The following SLC13A1 variants were observed in gnomAD, a reference collection of about 807,000 sequenced individuals.
SLC13A1 encodes solute carrier family 13 member 1, also known as Na(+)/sulfate cotransporter.
SLC13A1 carries 65 observed loss-of-function variants against 70.0 expected under a neutral mutation model. The observed-to-expected ratio is 0.93, with a 90% confidence interval of 0.76 to 1.14. The LOEUF (loss-of-function observed/expected upper bound fraction) is 1.14. Among genes scored for constraint, SLC13A1 ranks in the 50% most tolerant of loss-of-function variants. SLC13A1 has a pLI of 0.00. For missense variants in SLC13A1, 726 were observed against 717.8 expected (o/e 1.01, Z -0.13); for synonymous variants, 275 against 250.5 (o/e 1.10, Z -0.92).
At chr7:123,135,900 T>C (rs922156839) in intron 7 of SLC13A1, among the ~76,000 whole-genome samples, 4 of 152,204 alleles carry the variant, frequency 2.6e-5, no homozygotes, top group East Asian at 1.9e-4. Context: ...TGTTAGAAAA[T>C]GTGCAGTGTG....
intron 8 of SLC13A1, 21 bp from the exon 9 acceptor site, chr7:123,129,502 T>C (rs376381466): frequency 5.0e-6 from 8 of 1,591,008 alleles, no homozygotes; most frequent in Non-Finnish European, 6.9e-6. Flanking sequence ...TAATTAAGCC[T>C]GTAAGCAAGA....
At chr7:123,137,400 T>C (rs539466797) in intron 7 of SLC13A1, among the ~76,000 whole-genome samples, 53 of 152,290 alleles carry the variant, frequency 3.5e-4, no homozygotes, top group African/African-American at 1.2e-3. Flanking sequence ...CAATTGAAAC[T>C]GAGTTAATCA....
Position 123,169,288 on chromosome 7 carries a change from A to G in SLC13A1, c.413T>C (p.Leu138Pro). The G allele has an allele frequency of 6.2e-7, 1 of 1,613,808 alleles. No homozygotes were observed. Among genetic ancestry groups the G allele is most frequent in the South Asian group, 1.1e-5 (1 of 91,072 alleles). Residue 138 changes from leucine (L) to proline (P), a missense_variant, in exon 4 of 15, where the codon CTC becomes CCC. Physicochemically the swap from Leu to Pro is moderately conservative, Grantham distance 98. Coordinates refer to ENST00000194130, the MANE Select transcript of SLC13A1 (RefSeq NM_022444.4). ...CATGGCAGCCGTCGAGGTGTTGCTG[A>G]GCCACATAGACAAAAAGGCAGTGCT... ...MSSTAFLSMW[L>P]SNTSTAAMVM...
intron 6 of SLC13A1, among the ~76,000 whole-genome samples, chr7:123,149,056 T>C (rs1794463409): frequency 6.6e-6 from 1 of 152,154 alleles, no homozygotes; most frequent in African/African-American, 2.4e-5. Context: ...CATCAGATTG[T>C]TGTTCTTTCT....
At chr7:123,193,637 A>G (rs1796073090) in intron 1 of SLC13A1, among the ~76,000 whole-genome samples, 1 of 152,154 alleles carries the variant, frequency 6.6e-6, no homozygotes, top group Admixed American at 6.5e-5. Flanking sequence ...TGAGCTTGGA[A>G]GTCAGACAGA....
At chr7:123,171,968 A>T in intron 2 of SLC13A1, 64 bp from the exon 3 acceptor site, 1 of 1,476,138 alleles carries the variant, frequency 6.8e-7, no homozygotes, top group Non-Finnish European at 9.4e-7. Flanking sequence ...TGCACAAGAA[A>T]GACATTATTA....
At chr7:123,147,537 CCTCTCT>C (rs112153839) in intron 6 of SLC13A1, among the ~76,000 whole-genome samples, 79 of 147,850 alleles carry the variant, frequency 5.3e-4, no homozygotes, top group Non-Finnish European at 2.6e-4. Context: ...GAGCTTGATT[CCTCTCT>C]CTCTCTCTCT....
At chr7:123,154,572 T>C (rs929377049) in intron 6 of SLC13A1, among the ~76,000 whole-genome samples, 5 of 152,160 alleles carry the variant, frequency 3.3e-5, no homozygotes, top group Non-Finnish European at 7.4e-5. Flanking sequence ...ATTTTCAATA[T>C]GTTGCCTAGA....
At chr7:123,120,276 G>A (rs1793332473) in intron 12 of SLC13A1, among the ~76,000 whole-genome samples, 1 of 151,950 alleles carries the variant, frequency 6.6e-6, no homozygotes, top group Non-Finnish European at 1.5e-5. Flanking sequence ...CTGAGAATTG[G>A]TATAAGAGTC....
chr7:123,170,622 T>TTTTTTTG (rs143459546), intron 3 of SLC13A1, among the ~76,000 whole-genome samples: 2 of 150,896 alleles, frequency 1.3e-5, no homozygotes, highest in Non-Finnish European at 3.0e-5. Context: ...TTTTGGTTTT[T>TTTTTTTG]TTTGTTTGTT....
chr7:123,181,136 T>C (rs777617684), intron 1 of SLC13A1, 35 bp from the exon 2 acceptor site: 2 of 1,600,808 alleles, frequency 1.2e-6, no homozygotes, highest in Non-Finnish European at 1.7e-6. Flanking sequence ...AAGGTGATAT[T>C]ATGAGGCTGG....
intron 7 of SLC13A1, among the ~76,000 whole-genome samples, chr7:123,145,451 T>C (rs931902171): frequency 2.4e-4 from 37 of 152,212 alleles, no homozygotes; most frequent in African/African-American, 8.9e-4. Context: ...AGTTCTCTAA[T>C]ATCAACAAAG....
intron 1 of SLC13A1, among the ~76,000 whole-genome samples, chr7:123,195,476 C>T (rs955614832): frequency 6.6e-6 from 1 of 151,904 alleles, no homozygotes; most frequent in African/African-American, 2.4e-5. Flanking sequence ...ATCTCCTACT[C>T]ATTTTCATTT....
intron 8 of SLC13A1, among the ~76,000 whole-genome samples, chr7:123,129,742 T>C (rs1793692759): frequency 6.6e-6 from 1 of 152,204 alleles, no homozygotes; most frequent in Non-Finnish European, 1.5e-5. Context: ...TTCCATGACA[T>C]CCTTTACCAA....
In SLC13A1 at chr7:123,170,869, G is replaced by A. The variant is rs115817007; in HGVS notation, c.365+899C>T. On this transcript the variant is annotated intron_variant, in intron 3 of 14. Coordinates refer to ENST00000194130, the MANE Select transcript of SLC13A1 (RefSeq NM_022444.4). ...GCTGGGACTACAGGGATGAGCCACC[G>A]TGCCCGGCCGAGATAATGTCTTAAA... Among the ~76,000 whole-genome samples, 554 of 151,922 alleles carry A rather than the reference G, an allele frequency of 3.6e-3. 4 individuals carry two copies. Among genetic ancestry groups the A allele is most frequent in the African/African-American group, 0.012 (507 of 41,412 alleles).
intron 8 of SLC13A1, among the ~76,000 whole-genome samples, chr7:123,131,958 G>T (rs1793779289): frequency 6.6e-6 from 1 of 152,088 alleles, no homozygotes; most frequent in Non-Finnish European, 1.5e-5. Context: ...ATATATGTTT[G>T]ATAAAGTCAT....
intron 1 of SLC13A1, among the ~76,000 whole-genome samples, chr7:123,181,446 C>T (rs1795638284): frequency 1.3e-5 from 2 of 152,110 alleles, no homozygotes; most frequent in South Asian, 2.1e-4. Context: ...CCCCATACTT[C>T]CAGAGTACAG....
At chr7:123,155,079 T>C (rs529570618) in intron 6 of SLC13A1, among the ~76,000 whole-genome samples, 1 of 152,106 alleles carries the variant, frequency 6.6e-6, no homozygotes, top group Non-Finnish European at 1.5e-5. Context: ...GGTCATCTTA[T>C]AGTATTCTGA....
At chr7:123,183,577 G>A (rs1165953258) in intron 1 of SLC13A1, among the ~76,000 whole-genome samples, 2 of 152,116 alleles carry the variant, frequency 1.3e-5, no homozygotes, top group African/African-American at 4.8e-5. Context: ...CTTAGATTGT[G>A]CATTTGGACT....
Sources: allele counts gnomAD v4.1 joint callset (sites outside exome capture counted in the v4.1 genomes callset), GRCh38; gene constraint gnomAD v4.1.1; transcripts MANE v1.5; gene names NCBI Gene and HGNC (gene_info 2026-07-23, HGNC 2026-07-21).